SETD1A: variants seen among roughly 807,000 people sequenced by gnomAD.
SETD1A encodes the protein SET domain containing 1A, histone lysine methyltransferase.
A neutral mutation model predicts 149.9 loss-of-function variants in SETD1A; 29 were observed. The observed-to-expected ratio is 0.19, with a 90% CI of 0.14 to 0.26. The LOEUF is 0.26. SETD1A is among the 10% of genes least tolerant of loss of function. SETD1A has a pLI of 1.00. For missense variants in SETD1A, 2,109 were observed against 2,353.1 expected, an observed-to-expected ratio of 0.90 and a Z score of 2.15; for synonymous variants, 1,141 against 968.5, an observed-to-expected ratio of 1.18 and a Z score of -3.31.
rs372020822 is a variant in SETD1A at position 30,963,481 on chromosome 16, C to G, written c.566C>G (p.Thr189Ser). 3 of 1,613,418 alleles carry G rather than the reference C, an allele frequency of 1.9e-6. No homozygotes were observed. Among genetic ancestry groups the G allele is most frequent in the Non-Finnish European group, 2.5e-6 (3 of 1,179,570 alleles). The change falls in exon 5 of 19, where the codon ACC becomes AGC. Residue 189 changes from threonine to serine, a missense_variant. Around this residue, in one of 8 missense-constraint regions of SETD1A, gnomAD observed 410 missense variants for 394.8 expected, o/e 1.04. Transcript: ENST00000262519. ...YYELIVNGSYTPQTVPTGGKA... is the reference protein window; with the variant it reads ...YYELIVNGSYSPQTVPTGGKA... Reference sequence around the variant, plus strand: ...GAACTAATTGTCAATGGCTCCTACACCCCTCAGACTGTGCCCACTGGGGGC... The same window carrying G: ...GAACTAATTGTCAATGGCTCCTACAGCCCTCAGACTGTGCCCACTGGGGGC...
intron 3 of SETD1A, among the ~76,000 whole-genome samples, chr16:30,959,602 C>T (rs1025215754): frequency 2.6e-5 from 4 of 152,158 alleles, no homozygotes; most frequent in Admixed American, 2.0e-4. Context: ...CTCTTGTTTC[C>T]TTCGAGGACT....
In SETD1A at chr16:30,969,633, A is replaced by T. The variant is rs1489806304; in HGVS notation, c.2960A>T (p.Asp987Val). Residue 987 changes from aspartate (D) to valine (V), a missense_variant, in exon 12 of 19, where the codon GAT becomes GTT. This residue lies in a region of SETD1A where 832 missense variants were observed against 815.6 expected (regional missense o/e 1.02). Transcript: ENST00000262519. ...GAGGATGACGAGGAAGATGAGGAAG[A>T]TGAAGATCGAGAGGAAGCTGTGGAT... ...DEEDDEEDEE[D>V]EDREEAVDTT... The T allele has an allele frequency of 6.2e-7, 1 of 1,614,084 alleles. No homozygotes were observed. Among genetic ancestry groups the T allele is most frequent in the South Asian group, 1.1e-5 (1 of 91,086 alleles).
At chr16:30,966,730 G>C (rs989524911) in intron 8 of SETD1A, 154 bp from the exon 9 acceptor site, 6 of 475,308 alleles carry the variant, frequency 1.3e-5, no homozygotes, top group Non-Finnish European at 1.6e-5. Flanking sequence ...ACAGACTTTT[G>C]AGAAAATGCC....
At position 30,965,378 on chromosome 16, in the gene SETD1A, G is replaced by A. The variant is rs2143496245; in HGVS notation, c.1636G>A (p.Ala546Thr). 7.5e-6 allele frequency: 12 copies of A among 1,609,324 alleles called. No individual in the cohort carries two copies. Among genetic ancestry groups the A allele is most frequent in the Non-Finnish European group, 1.0e-5 (12 of 1,176,774 alleles). ...GCCCTGCACACCCCCTCCGGCCCCAGCTAATTTTGAGGATGTGGCACCTAC... is the reference window on the plus strand; with the variant it reads ...GCCCTGCACACCCCCTCCGGCCCCAACTAATTTTGAGGATGTGGCACCTAC... ...HGPCTPPPAP[A>T]NFEDVAPTGS... The change falls in exon 7 of 19, where the codon GCT (alanine) becomes ACT (threonine). Residue 546 changes from alanine (A) to threonine (T), a missense_variant. Ala to Thr is a moderately conservative substitution (Grantham distance 58). This residue lies in a region of SETD1A where 431 missense variants were observed against 388.6 expected (regional missense o/e 1.11). Transcript: ENST00000262519.
In SETD1A at chr16:30,980,656, A is replaced by T; in HGVS notation, c.4580A>T (p.Gln1527Leu). The change falls in exon 15 of 19, where the codon CAG becomes CTG. Residue 1527 changes from glutamine (Q) to leucine (L), a missense_variant and splice_region_variant. Gln to Leu is a moderately radical substitution (Grantham distance 113, BLOSUM62 -2). This residue lies in a region of SETD1A where 254 missense variants were observed against 409.3 expected (regional missense o/e 0.62). Coordinates refer to ENST00000262519, the MANE Select transcript of SETD1A (RefSeq NM_014712.3). This position sits in a 1 kb window ranked among gnomAD's most constrained non-coding sequence, Gnocchi z 7.7. The stretch of plus-strand genomic sequence containing the variant: ...CGGCAGCTGGAGGGCGTGGACACTC[A>T]GGTGGGCCTAACCCCGCCGCCGCGT... ...SARQLEGVDTQGTNRVLSERR... is the reference protein window; with the variant it reads ...SARQLEGVDTLGTNRVLSERR... 1 of 1,612,288 alleles carries T rather than the reference A, an allele frequency of 6.2e-7. No individual in the cohort carries two copies. Among genetic ancestry groups the T allele is most frequent in the Non-Finnish European group, 8.5e-7 (1 of 1,179,736 alleles).
chr16:30,979,486 G>T lies in SETD1A; in HGVS notation c.3700G>T (p.Gly1234Ter). Reference sequence around the variant, plus strand: ...GTCCCGAGGAGGCCGGAGCCGGGCTGGAGGCCGAGGCCGCCTCACCGAGGA... The same window carrying T: ...GTCCCGAGGAGGCCGGAGCCGGGCTTGAGGCCGAGGCCGCCTCACCGAGGA... ...EVSRGGRSRA[G>*]GRGRLTEEEE... is the part of the protein sequence containing the mutation. Residue 1234 changes from glycine (G) to a stop codon, truncating the protein, a stop_gained, in exon 14 of 19, where the codon GGA (glycine) becomes TGA (stop). Transcript: ENST00000262519. LOFTEE classifies it high-confidence loss of function. The T allele has an allele frequency of 6.2e-7, 1 of 1,600,938 alleles. No individual in the cohort carries two copies. The highest frequency in any genetic ancestry group is 2.3e-5 in the East Asian group (1 of 44,348).
Position 30,979,951 on chromosome 16 carries a change from C to T in SETD1A, c.4165C>T (p.Leu1389Phe). ...CAGCAGCAGCGATGGGGAGGGCGCC[C>T]TCCGGAGGCGCAGCCTCCGCTCCCA... Reference protein sequence around the residue: ...SSSSSDGEGALRRRSLRSHAR... With the variant: ...SSSSSDGEGAFRRRSLRSHAR... The change falls in exon 14 of 19, where the codon CTC (leucine) becomes TTC (phenylalanine). Residue 1389 changes from leucine (L) to phenylalanine (F), a missense_variant. Physicochemically the swap from Leu to Phe is conservative, Grantham distance 22 (BLOSUM62 0). Transcript: ENST00000262519. 1.3e-6 allele frequency: 2 copies of T among 1,532,290 alleles called. No homozygotes were observed. The highest frequency in any genetic ancestry group is 2.5e-5 in the East Asian group (1 of 40,242). The allele number at this position is 1,532,290 out of a possible 1,614,324, so 94.9% of individuals were successfully genotyped here.
Position 30,971,400 on chromosome 16 carries a change from G to A in SETD1A, c.3039G>A (p.Ser1013=), listed in dbSNP as rs745753391. 1.4e-5 allele frequency: 23 copies of A among 1,590,470 alleles called. No individual in the cohort carries two copies. The highest frequency in any genetic ancestry group is 1.7e-4 in the Middle Eastern group (1 of 5,984). ...CAGGCGAGGACGAGGAAAGCGATTCGTCTTCCAAATGTTCTCTGTATGCTG... is the reference window on the plus strand; with the variant it reads ...CAGGCGAGGACGAGGAAAGCGATTCATCTTCCAAATGTTCTCTGTATGCTG... ...VSDGEDEESD[S]SSKCSLYADS... The change falls in exon 13 of 19, where the codon TCG becomes TCA. Residue 1013 remains serine, a synonymous_variant. Coordinates refer to ENST00000262519, the MANE Select transcript of SETD1A (RefSeq NM_014712.3).
rs1207177759 is a variant in SETD1A at position 30,961,585 on chromosome 16, T to G, written c.517+48T>G. 2.5e-6 allele frequency: 4 copies of G among 1,589,408 alleles called. No homozygotes were observed. The highest frequency in any genetic ancestry group is 2.6e-6 in the Non-Finnish European group (3 of 1,167,172). On this transcript the variant is annotated intron_variant, in intron 4 of 18. Transcript: ENST00000262519. This position sits in a 1 kb window ranked among gnomAD's most constrained non-coding sequence, Gnocchi z 4.0. ...CTCAGGCTTGGCCTCCAGCGGAGGT[T>G]GTACATGCAAATGCCTGTCAGGGTC...
chr16:30,965,224 G>A lies in SETD1A; in HGVS notation c.1482G>A (p.Met494Ile), dbSNP rs761067287. ...QHSSLDSRIEMLLKEQRSKFS... is the reference protein window; with the variant it reads ...QHSSLDSRIEILLKEQRSKFS... ...GCAGCCTGGATTCCCGCATCGAGAT[G>A]CTGCTGAAGGAGCAGCGCTCCAAGT... Residue 494 changes from methionine (M) to isoleucine (I), a missense_variant, in exon 7 of 19, where the codon ATG (methionine) becomes ATA (isoleucine). This residue lies in a region of SETD1A where 23 missense variants were observed against 48.7 expected (regional missense o/e 0.47). Transcript: ENST00000262519. The A allele has an allele frequency of 6.2e-7, 1 of 1,614,216 alleles. No homozygotes were observed. Among genetic ancestry groups the A allele is most frequent in the Admixed American group, 1.7e-5 (1 of 60,022 alleles).
chr16:30,979,824 G>T lies in SETD1A; in HGVS notation c.4038G>T (p.Ala1346=), dbSNP rs771094719. ...LEAPEVVVAE[A]EEPKPQQLQQ... ...CCCCCGAGGTGGTGGTGGCTGAGGC[G>T]GAGGAGCCCAAGCCGCAGCAACTGC... Residue 1346 remains alanine, a synonymous_variant, in exon 14 of 19, where the codon GCG becomes GCT. Coordinates refer to ENST00000262519, the MANE Select transcript of SETD1A (RefSeq NM_014712.3). 6.4e-7 allele frequency: 1 copy of T among 1,556,778 alleles called. No homozygotes were observed. Among genetic ancestry groups the T allele is most frequent in the Admixed American group, 1.9e-5 (1 of 52,466 alleles).
rs368108050 is a variant in SETD1A, at chr16:30,979,547, C to T, written c.3761C>T (p.Ala1254Val). Residue 1254 changes from alanine (A) to valine (V), a missense_variant, in exon 14 of 19, where the codon GCG becomes GTG. Physicochemically the swap from Ala to Val is moderately conservative, Grantham distance 64 (BLOSUM62 0). Transcript: ENST00000262519. ...EAEPGTEVDL[A>V]VLADLALTPA... ...GAGCCAGGGACAGAGGTGGACCTGG[C>T]GGTCCTGGCCGACCTGGCCCTGACC... 1.1e-5 allele frequency: 17 copies of T among 1,608,114 alleles called. No homozygotes were observed. The highest frequency in any genetic ancestry group is 1.7e-5 in the Admixed American group (1 of 59,628).
rs766594176 is a variant in SETD1A, at chr16:30,966,490, G to A, written c.2505+104G>A. 70 of 1,452,582 alleles carry A rather than the reference G, an allele frequency of 4.8e-5. 1 individual carries two copies. In the African/African-American group the frequency reaches 7.0e-4, roughly 15 times the overall value. 90.0% of individuals were successfully genotyped at this position (1,452,582 alleles called of 1,614,324 possible). ...CTCAGAGGAGACAGGTGATGGAGGC[G>A]AGTGGAGAGAGGCCGCAGGCCCTGC... On this transcript the variant is annotated intron_variant, in intron 8 of 18. Coordinates refer to ENST00000262519, the MANE Select transcript of SETD1A (RefSeq NM_014712.3).
chr16:30,978,746 G>A (rs1413399032), intron 13 of SETD1A, among the ~76,000 whole-genome samples: 2 of 152,270 alleles, frequency 1.3e-5, no homozygotes, highest in African/African-American at 2.4e-5. Context: ...TGGGTCCTTG[G>A]CATGTGACAT....
chr16:30,969,465 G>A lies in SETD1A; in HGVS notation c.2928+3G>A, dbSNP rs1596681011. The A allele has an allele frequency of 5.6e-6, 9 of 1,607,390 alleles. No homozygotes were observed. The highest frequency in any genetic ancestry group is 7.6e-6 in the Non-Finnish European group (9 of 1,176,636). ...CCCAGGAGTCCTCCTCGGAGAAGGT[G>A]AGGGCCCGGGCGCCGGCTCCTGGCC... On this transcript the variant is annotated splice_donor_region_variant and intron_variant, in intron 11 of 18. Transcript: ENST00000262519.
At position 30,979,127 on chromosome 16, in the gene SETD1A, T is replaced by G. The variant is rs2056322950; in HGVS notation, c.3359-18T>G. On this transcript the variant is annotated intron_variant, in intron 13 of 18. Coordinates refer to ENST00000262519, the MANE Select transcript of SETD1A (RefSeq NM_014712.3). Reference sequence around the variant, plus strand: ...GGTCTCCCTGACCTCCTTTCCTTCCTATGTGCTTCCTTCCCAGGCCCCACG... The same window carrying G: ...GGTCTCCCTGACCTCCTTTCCTTCCGATGTGCTTCCTTCCCAGGCCCCACG... The G allele has an allele frequency of 4.6e-6, 7 of 1,529,548 alleles. No individual in the cohort carries two copies. Among genetic ancestry groups the G allele is most frequent in the Non-Finnish European group, 5.3e-6 (6 of 1,137,234 alleles). 94.7% of individuals were successfully genotyped at this position (1,529,548 alleles called of 1,614,324 possible). A position where few individuals can be genotyped will look rare whatever the true frequency, so the allele number is the denominator to read the frequency against.
chr16:30,983,794 G>A lies in SETD1A; in HGVS notation c.4950+22G>A, dbSNP rs1470315108. The A allele has an allele frequency of 1.9e-6, 3 of 1,612,994 alleles. No homozygotes were observed. The highest frequency in any genetic ancestry group is 1.1e-5 in the South Asian group (1 of 91,040). Reference sequence around the variant, plus strand: ...CACGGTGCGCCAGGGGCCAGCCGGGGCAGGAGTTGGGGGTCGGTGGGGGTG... The same window carrying A: ...CACGGTGCGCCAGGGGCCAGCCGGGACAGGAGTTGGGGGTCGGTGGGGGTG... On this transcript the variant is annotated intron_variant, in intron 18 of 18. Transcript: ENST00000262519. This position sits in a 1 kb window ranked among gnomAD's most constrained non-coding sequence, Gnocchi z 6.8.
rs2056102370 is a variant in SETD1A at position 30,964,308 on chromosome 16, C to T, written c.854C>T (p.Ser285Phe). Residue 285 changes from serine to phenylalanine, a missense_variant, in exon 6 of 19, where the codon TCT becomes TTT. Ser to Phe is a radical substitution (Grantham distance 155). Coordinates refer to ENST00000262519, the MANE Select transcript of SETD1A (RefSeq NM_014712.3). ...GGCAGCACCCCCTACTCTCAGGACTCTGCCTACTCCAGCAGGTACAGAGCA... is the reference window on the plus strand; with the variant it reads ...GGCAGCACCCCCTACTCTCAGGACTTTGCCTACTCCAGCAGGTACAGAGCA... ...SRGSTPYSQD[S>F]AYSSSTTSTS... The T allele has an allele frequency of 6.2e-7, 1 of 1,613,596 alleles. No homozygotes were observed. The highest frequency in any genetic ancestry group is 8.5e-7 in the Non-Finnish European group (1 of 1,179,614).
chr16:30,961,262 C>T lies in SETD1A; in HGVS notation c.247-5C>T, dbSNP rs1326662058. The T allele has an allele frequency of 2.5e-6, 4 of 1,614,002 alleles. No homozygotes were observed. The highest frequency in any genetic ancestry group is 1.1e-5 in the South Asian group (1 of 91,054). The stretch of plus-strand genomic sequence containing the variant: ...ACCCCATACCAACTCCTGTTCTTTC[C>T]CCAGCTGGACGAGTTCTATATTGGA... On this transcript the variant is annotated splice_polypyrimidine_tract_variant and splice_region_variant and intron_variant, in intron 3 of 18. Transcript: ENST00000262519. This position sits in a 1 kb window ranked among gnomAD's most constrained non-coding sequence, Gnocchi z 4.0.
Sources: gnomAD v4.1 joint callset for allele counts (sites outside exome capture counted in the v4.1 genomes callset) on GRCh38, gnomAD v4.1.1 for gene constraint, gnomAD v4.1.1 regional missense constraint, Gnocchi (gnomAD v3.1) non-coding constraint, MANE v1.5 for transcripts, NCBI Gene and HGNC (gene_info 2026-07-23, HGNC 2026-07-21) for gene names.